The following SNTG1 variants were observed in gnomAD, a reference collection of about 807,000 sequenced individuals.
The protein encoded by SNTG1 is syntrophin gamma 1, also known as gamma-1-syntrophin.
Under a neutral mutation model 74.7 loss-of-function variants are expected in SNTG1, and 39 were observed. The observed-to-expected ratio is 0.52, with a 90% CI of 0.40 to 0.68. The LOEUF (loss-of-function observed/expected upper bound fraction) is 0.68. Among genes scored for constraint, SNTG1 ranks in the 30% least tolerant of loss-of-function variants. The probability of loss-of-function intolerance (pLI) is 0.00; values close to 1 mark genes in which losing one functional copy is unlikely to be tolerated. For missense variants in SNTG1, 685 were observed against 609.5 expected, an observed-to-expected ratio of 1.12 and a Z score of -1.30; for synonymous variants, 254 against 217.1, an observed-to-expected ratio of 1.17 and a Z score of -1.49.
chr8:50,434,516 G>C (rs2093279660), intron 4 of SNTG1, among the ~76,000 whole-genome samples: 4 of 152,130 alleles, frequency 2.6e-5, no homozygotes, highest in Admixed American at 2.6e-4. Flanking sequence ...CAGTGTAAAA[G>C]TGGTCCTATT....
chr8:50,034,971 G>T (rs1410373334), intron 1 of SNTG1, among the ~76,000 whole-genome samples: 1 of 152,188 alleles, frequency 6.6e-6, no homozygotes, highest in Admixed American at 6.5e-5. Flanking sequence ...GCAGCGGGAT[G>T]AACAGAGGTT....
In SNTG1 at chr8:50,596,519, C is replaced by T. The variant is rs2094728184; in HGVS notation, c.849+5602C>T. Among the ~76,000 whole-genome samples, 3 of 151,852 alleles carry T rather than the reference C, an allele frequency of 2.0e-5. No homozygotes were observed. The South Asian group carries it at 6.2e-4, about 31-fold the overall frequency. ...ATTTTTAAGGGGAGGTACAATAGTT[C>T]CAGCATATGTGTTGAAAGTATTATT... On this transcript the variant is annotated intron_variant, in intron 13 of 18. Transcript: ENST00000642720.
At chr8:50,278,239 C>T (rs2088229137) in intron 2 of SNTG1, among the ~76,000 whole-genome samples, 1 of 151,976 alleles carries the variant, frequency 6.6e-6, no homozygotes, top group Non-Finnish European at 1.5e-5. Context: ...TTTTCTTTCT[C>T]TATAATTTTA....
chr8:50,047,466 T>C (rs987538346), intron 1 of SNTG1, among the ~76,000 whole-genome samples: 32 of 152,098 alleles, frequency 2.1e-4, no homozygotes, highest in Non-Finnish European at 2.4e-4. Context: ...ATGTGAGAGA[T>C]AAAAGTTAGA....
At chr8:50,272,905 TAA>T (rs3086115) in intron 2 of SNTG1, among the ~76,000 whole-genome samples, 5,202 of 140,260 alleles carry the variant, frequency 0.037, 250 homozygotes, top group South Asian at 0.18. Context: ...CCTGGATACT[TAA>T]AAAAAAAAAA....
chr8:50,571,071 C>T lies in SNTG1; in HGVS notation c.810+17892C>T, dbSNP rs558369326. Among the ~76,000 whole-genome samples the T allele has an allele frequency of 2.0e-5, 3 of 152,306 alleles. No individual in the cohort carries two copies. The East Asian group carries it at 5.8e-4, about 29-fold the overall frequency. On this transcript the variant is annotated intron_variant, in intron 12 of 18. Transcript: ENST00000642720. The stretch of plus-strand genomic sequence containing the variant: ...CTGAACATAGTTTCCTTCCCTCTGC[C>T]TCCACCACCCTTTTGTCCAATGAGC...
At chr8:49,982,333 ACTT>A (rs1263401954) in intron 1 of SNTG1, among the ~76,000 whole-genome samples, 1 of 151,996 alleles carries the variant, frequency 6.6e-6, no homozygotes, top group African/African-American at 2.4e-5. Flanking sequence ...GGTGACTTTG[ACTT>A]CTTCAGTAAA....
chr8:50,180,964 A>G (rs2083185496), intron 2 of SNTG1, among the ~76,000 whole-genome samples: 2 of 151,812 alleles, frequency 1.3e-5, no homozygotes, highest in South Asian at 4.1e-4. Context: ...GGGTTTCACC[A>G]TGTTGGCCAG....
At chr8:50,498,612 TTG>T (rs1355707259) in intron 8 of SNTG1, among the ~76,000 whole-genome samples, 3 of 152,026 alleles carry the variant, frequency 2.0e-5, no homozygotes, top group African/African-American at 7.2e-5. Context: ...ACTTAACAAT[TTG>T]TGTTTTTATT....
intron 15 of SNTG1, among the ~76,000 whole-genome samples, chr8:50,670,898 A>G (rs1435680383): frequency 1.3e-5 from 2 of 151,764 alleles, no homozygotes; most frequent in Non-Finnish European, 2.9e-5. Flanking sequence ...ACATATCTAG[A>G]ACTATCTGAT....
intron 9 of SNTG1, among the ~76,000 whole-genome samples, chr8:50,504,967 T>A (rs1428966162): frequency 1.3e-5 from 2 of 152,106 alleles, no homozygotes; most frequent in Non-Finnish European, 2.9e-5. Flanking sequence ...AAAATGGAAA[T>A]TCTATACCCC....
At chr8:50,138,490 T>C (rs1350911352) in intron 1 of SNTG1, among the ~76,000 whole-genome samples, 1 of 151,406 alleles carries the variant, frequency 6.6e-6, no homozygotes, top group Non-Finnish European at 1.5e-5. Flanking sequence ...CCAGGCATGG[T>C]GGCACACCCC....
chr8:50,228,336 A>G (rs898540475), intron 2 of SNTG1, among the ~76,000 whole-genome samples: 10 of 152,002 alleles, frequency 6.6e-5, no homozygotes, highest in African/African-American at 2.4e-4. Flanking sequence ...CTACCTTACA[A>G]AGAAAAAAAG....
At chr8:50,548,265 T>A (rs940126419) in intron 11 of SNTG1, among the ~76,000 whole-genome samples, 3 of 152,044 alleles carry the variant, frequency 2.0e-5, no homozygotes, top group Admixed American at 2.0e-4. Flanking sequence ...ACCACGTAAT[T>A]TGTGTGGATG....
intron 1 of SNTG1, among the ~76,000 whole-genome samples, chr8:50,035,712 C>T (rs1056991940): frequency 2.0e-5 from 3 of 152,182 alleles, no homozygotes; most frequent in Non-Finnish European, 4.4e-5. Flanking sequence ...CAGTTCTTCG[C>T]TGAGGACTAA....
At chr8:50,582,946 T>C (rs1230089821) in intron 12 of SNTG1, among the ~76,000 whole-genome samples, 3 of 152,142 alleles carry the variant, frequency 2.0e-5, no homozygotes, top group African/African-American at 7.2e-5. Context: ...AATGACCCAA[T>C]GAGTTTCCTT....
intron 1 of SNTG1, among the ~76,000 whole-genome samples, chr8:50,079,508 T>A (rs1216629438): frequency 6.6e-6 from 1 of 152,136 alleles, no homozygotes; most frequent in African/African-American, 2.4e-5. Flanking sequence ...TCTCCTTCTG[T>A]AGGTTGCCTG....
intron 4 of SNTG1, among the ~76,000 whole-genome samples, chr8:50,409,027 A>T (rs6473124): frequency 0.93 from 141,077 of 152,150 alleles, 65,942 homozygotes; most frequent in Non-Finnish European, 1. Flanking sequence ...GAGCTTCTAA[A>T]GAAGGTGACT....
At chr8:50,081,092 C>T (rs1586183473) in intron 1 of SNTG1, among the ~76,000 whole-genome samples, 1 of 152,048 alleles carries the variant, frequency 6.6e-6, no homozygotes, top group African/African-American at 2.4e-5. Context: ...TTTATAGAAT[C>T]TTTCATGTAT....
Sources: gnomAD v4.1 joint callset for allele counts (sites outside exome capture counted in the v4.1 genomes callset) on GRCh38, gnomAD v4.1.1 for gene constraint, MANE v1.5 for transcripts, NCBI Gene and HGNC (gene_info 2026-07-23, HGNC 2026-07-21) for gene names.